The following SMOC2 variants were observed in gnomAD, a reference collection of about 807,000 sequenced individuals.
The protein encoded by SMOC2 is SPARC-related modular calcium-binding protein 2.
Under a neutral mutation model 61.4 loss-of-function variants are expected in SMOC2, and 39 were observed. That is an observed-to-expected ratio of 0.64 (90% CI 0.49 to 0.83). The LOEUF (loss-of-function observed/expected upper bound fraction) is 0.83. Ranked by LOEUF, SMOC2 falls within the 40% of genes least tolerant of loss-of-function variation. SMOC2 has a pLI of 0.00. For synonymous variants in SMOC2, 247 were observed against 239.9 expected, an observed-to-expected ratio of 1.03 and a Z score of -0.27; for missense variants, 556 against 592.9, an observed-to-expected ratio of 0.94 and a Z score of 0.65.
chr6:168,486,255 G>A (rs940321020), intron 1 of SMOC2, among the ~76,000 whole-genome samples: 3 of 152,086 alleles, frequency 2.0e-5, no homozygotes, highest in Non-Finnish European at 2.9e-5. Context: ...TGGCAGAACT[G>A]GAAAAGAAAA....
At chr6:168,575,437 G>C (rs1784777153) in intron 7 of SMOC2, among the ~76,000 whole-genome samples, 1 of 152,166 alleles carries the variant, frequency 6.6e-6, no homozygotes, top group African/African-American at 2.4e-5. Flanking sequence ...TTACTGTAGT[G>C]GGTGGGGAGC....
intron 9 of SMOC2, among the ~76,000 whole-genome samples, chr6:168,624,015 C>T (rs965881355): frequency 6.6e-6 from 1 of 152,196 alleles, no homozygotes; most frequent in Non-Finnish European, 1.5e-5. Flanking sequence ...CAGGGGCGCT[C>T]ACCCGAGTGG....
At chr6:168,584,173 A>G (rs537526006) in intron 7 of SMOC2, among the ~76,000 whole-genome samples, 113 of 152,296 alleles carry the variant, frequency 7.4e-4, no homozygotes, top group African/African-American at 2.5e-3. Flanking sequence ...GATGAGAGAG[A>G]GAACCACAGA....
At chr6:168,529,778 A>T (rs2115079463) in intron 4 of SMOC2, among the ~76,000 whole-genome samples, 1 of 152,330 alleles carries the variant, frequency 6.6e-6, no homozygotes, top group South Asian at 2.1e-4. Context: ...AAGTTATATA[A>T]TGCAGAGAAG....
At chr6:168,448,286 A>G (rs1215091956) in intron 1 of SMOC2, among the ~76,000 whole-genome samples, 2 of 152,186 alleles carry the variant, frequency 1.3e-5, no homozygotes, top group East Asian at 3.8e-4. Context: ...GCAAAGCAGA[A>G]GGTGTGGAAC....
intron 9 of SMOC2, among the ~76,000 whole-genome samples, chr6:168,619,155 A>G (rs2115228208): frequency 6.6e-6 from 1 of 152,254 alleles, no homozygotes; most frequent in South Asian, 2.1e-4. Context: ...GTTTTTGTTT[A>G]TGGTTTCCTT....
chr6:168,633,991 ACTT>A (rs1445776088), intron 9 of SMOC2, among the ~76,000 whole-genome samples: 2 of 152,058 alleles, frequency 1.3e-5, no homozygotes, highest in African/African-American at 2.4e-5. Context: ...TTCACTTTGA[ACTT>A]CTTCTTCCTG....
At chr6:168,456,776 G>A (rs1781596774) in intron 1 of SMOC2, among the ~76,000 whole-genome samples, 1 of 152,186 alleles carries the variant, frequency 6.6e-6, no homozygotes, top group African/African-American at 2.4e-5. Flanking sequence ...TCCTGGAGGG[G>A]ACTCTGGATG....
At chr6:168,638,030 C>T (rs1041157019) in intron 9 of SMOC2, among the ~76,000 whole-genome samples, 14 of 146,680 alleles carry the variant, frequency 9.5e-5, no homozygotes, top group African/African-American at 3.2e-4. Context: ...CCCTGCACAT[C>T]TGCGCACTCC....
At chr6:168,522,090 A>C (rs1424227329) in intron 2 of SMOC2, among the ~76,000 whole-genome samples, 1 of 152,230 alleles carries the variant, frequency 6.6e-6, no homozygotes, top group Admixed American at 6.5e-5. Context: ...TATAATTTCC[A>C]GCTAAGATGT....
intron 9 of SMOC2, among the ~76,000 whole-genome samples, chr6:168,619,333 TCATGAAAAAGG>T (rs1786186646): frequency 6.7e-6 from 1 of 148,282 alleles, no homozygotes; most frequent in African/African-American, 2.5e-5. Flanking sequence ...TTTACGTTCA[TCATGAAAAAGG>T]CATCTGCCAG....
chr6:168,570,915 C>T (rs1027366180), intron 7 of SMOC2, among the ~76,000 whole-genome samples: 2 of 152,158 alleles, frequency 1.3e-5, no homozygotes, highest in African/African-American at 4.8e-5. Context: ...TTTCTTTTCT[C>T]TCCTCATCCC....
At chr6:168,612,785 AG>A (rs1325776285) in intron 9 of SMOC2, among the ~76,000 whole-genome samples, 2 of 151,306 alleles carry the variant, frequency 1.3e-5, no homozygotes, top group Admixed American at 1.3e-4. Context: ...CTTGTCAGAG[AG>A]GAGATGCAGG....
At chr6:168,473,135 G>A (rs552795145) in intron 1 of SMOC2, among the ~76,000 whole-genome samples, 24 of 152,336 alleles carry the variant, frequency 1.6e-4, no homozygotes, top group Admixed American at 1.2e-3. Flanking sequence ...CAGTTTGGAT[G>A]CTGCCCCAGG....
chr6:168,643,296 C>T lies in SMOC2; in HGVS notation c.908-7385C>T, dbSNP rs1487626515. Among the ~76,000 whole-genome samples, 4 of 152,174 alleles carry T rather than the reference C, an allele frequency of 2.6e-5. No homozygotes were observed. The East Asian group carries it at 7.7e-4, about 29-fold the overall frequency. On this transcript the variant is annotated intron_variant, in intron 9 of 12. Transcript: ENST00000356284. ...CTTCTCAGATTCTCCCAACAGCTTCCAGTTTCCTTTCAGATAAGGTCCACA... is the reference window on the plus strand; with the variant it reads ...CTTCTCAGATTCTCCCAACAGCTTCTAGTTTCCTTTCAGATAAGGTCCACA...
intron 1 of SMOC2, among the ~76,000 whole-genome samples, chr6:168,443,270 T>G (rs952642261): frequency 1.3e-5 from 2 of 152,146 alleles, no homozygotes; most frequent in Non-Finnish European, 2.9e-5. Flanking sequence ...AGTTAGTAAT[T>G]AGAACAGTTT....
At chr6:168,463,049 C>G (rs893102963) in intron 1 of SMOC2, among the ~76,000 whole-genome samples, 1 of 152,208 alleles carries the variant, frequency 6.6e-6, no homozygotes, top group Non-Finnish European at 1.5e-5. Flanking sequence ...AAAAAGCGGT[C>G]CCATTCCCAC....
chr6:168,456,673 G>A (rs73791027), intron 1 of SMOC2, among the ~76,000 whole-genome samples: 7,426 of 152,274 alleles, frequency 0.049, 619 homozygotes, highest in African/African-American at 0.17. Flanking sequence ...CCCCAGGTCA[G>A]GCTGATCTCA....
chr6:168,643,869 T>C (rs1182446285), intron 9 of SMOC2, among the ~76,000 whole-genome samples: 1 of 152,172 alleles, frequency 6.6e-6, no homozygotes, highest in Non-Finnish European at 1.5e-5. Context: ...GAGTGTCAGC[T>C]GCATGAGGGT....
Sources: gnomAD v4.1 joint callset for allele counts (sites outside exome capture counted in the v4.1 genomes callset) on GRCh38, gnomAD v4.1.1 for gene constraint, MANE v1.5 for transcripts, NCBI Gene and HGNC (gene_info 2026-07-23, HGNC 2026-07-21) for gene names.